RNF111: variants seen among roughly 807,000 people sequenced by gnomAD.
RNF111 encodes ring finger protein 111.
RNF111 carries 17 observed loss-of-function variants against 95.1 expected under a neutral mutation model. That is an observed-to-expected ratio of 0.18 (90% CI 0.12 to 0.27). The LOEUF (loss-of-function observed/expected upper bound fraction) is 0.27, where lower values mean the gene tolerates loss of function less well. Ranked by LOEUF, RNF111 falls within the 10% of genes least tolerant of loss-of-function variation. RNF111 has a pLI of 1.00. For missense variants in RNF111, 1,189 were observed against 1,210.4 expected, an observed-to-expected ratio of 0.98 and a Z score of 0.26; for synonymous variants, 440 against 414.8, an observed-to-expected ratio of 1.06 and a Z score of -0.74.
intron 1 of RNF111, among the ~76,000 whole-genome samples, chr15:59,020,956 G>A (rs1463858779): frequency 6.6e-6 from 1 of 152,054 alleles, no homozygotes; most frequent in Non-Finnish European, 1.5e-5. Flanking sequence ...GGAACAGGTG[G>A]TGTTTGGTTA....
At chr15:59,037,691 C>T (rs2041247182) in intron 2 of RNF111, among the ~76,000 whole-genome samples, 1 of 152,084 alleles carries the variant, frequency 6.6e-6, no homozygotes, top group Admixed American at 6.6e-5. Flanking sequence ...ACAAAATTAG[C>T]CGAGCGTGGT....
intron 2 of RNF111, among the ~76,000 whole-genome samples, chr15:59,047,378 G>A (rs946350132): frequency 1.2e-4 from 18 of 151,918 alleles, no homozygotes; most frequent in East Asian, 1.9e-4. Flanking sequence ...ACCTGTAGTC[G>A]CAGCTACTGG....
intron 2 of RNF111, among the ~76,000 whole-genome samples, chr15:59,032,219 A>G (rs79782996): frequency 6.6e-6 from 1 of 152,196 alleles, no homozygotes; most frequent in African/African-American, 2.4e-5. Context: ...GATTACAGGC[A>G]TGAGCCACTG....
At chr15:59,012,323 G>C (rs1320326779) in intron 1 of RNF111, among the ~76,000 whole-genome samples, 2 of 152,028 alleles carry the variant, frequency 1.3e-5, no homozygotes, top group African/African-American at 2.4e-5. Context: ...CTGGCCTGCT[G>C]TTCTGTCTTA....
chr15:58,992,637 A>G (rs1029240229), intron 1 of RNF111, among the ~76,000 whole-genome samples: 1 of 151,544 alleles, frequency 6.6e-6, no homozygotes, highest in Non-Finnish European at 1.5e-5. Context: ...GGGCAATGTG[A>G]CGAAATTCTG....
At chr15:59,076,986 T>TA (rs2078583131) in intron 7 of RNF111, among the ~76,000 whole-genome samples, 1 of 152,220 alleles carries the variant, frequency 6.6e-6, no homozygotes, top group South Asian at 2.1e-4. Flanking sequence ...TCCAGTCATT[T>TA]AAAAAAATCT....
chr15:59,040,897 A>G (rs1472561155), intron 2 of RNF111, among the ~76,000 whole-genome samples: 1 of 152,206 alleles, frequency 6.6e-6, no homozygotes, highest in East Asian at 1.9e-4. Context: ...CGCTTTTTAA[A>G]TTATGTAAAA....
intron 1 of RNF111, among the ~76,000 whole-genome samples, chr15:58,993,533 A>G (rs2038913779): frequency 1.3e-5 from 2 of 152,218 alleles, no homozygotes; most frequent in South Asian, 4.1e-4. Context: ...GTGAGACTCC[A>G]TCTCAAAATT....
chr15:59,070,451 A>C (rs1265606407), intron 6 of RNF111, among the ~76,000 whole-genome samples: 2 of 152,166 alleles, frequency 1.3e-5, no homozygotes, highest in Non-Finnish European at 2.9e-5. Flanking sequence ...TAAGATGTTG[A>C]TATTCTAGTC....
chr15:59,064,091 A>T (rs2042552092), intron 5 of RNF111, among the ~76,000 whole-genome samples: 2 of 152,222 alleles, frequency 1.3e-5, no homozygotes, highest in Non-Finnish European at 2.9e-5. Flanking sequence ...TGTTGGGTTC[A>T]GCATAGCCCT....
At chr15:58,992,186 A>T (rs1162539873) in intron 1 of RNF111, among the ~76,000 whole-genome samples, 4 of 152,182 alleles carry the variant, frequency 2.6e-5, no homozygotes, top group South Asian at 4.1e-4. Context: ...CTGGGATTAC[A>T]GGAGCGCGCC....
chr15:59,024,492 A>C (rs1324638481), intron 1 of RNF111, among the ~76,000 whole-genome samples: 1 of 152,166 alleles, frequency 6.6e-6, no homozygotes, highest in Non-Finnish European at 1.5e-5. Flanking sequence ...ACAGAATATG[A>C]GTTTGAGTGA....
intron 5 of RNF111, among the ~76,000 whole-genome samples, chr15:59,065,694 G>A (rs12438962): frequency 0.26 from 39,410 of 151,998 alleles, 5,266 homozygotes; most frequent in Middle Eastern, 0.42. Context: ...GGTTCTGACT[G>A]TAGAGTCCAA....
At chr15:59,070,270 G>C (rs2042861133) in intron 6 of RNF111, among the ~76,000 whole-genome samples, 1 of 151,738 alleles carries the variant, frequency 6.6e-6, no homozygotes, top group Non-Finnish European at 1.5e-5. Context: ...TGTCCTTCGG[G>C]AATAAGAATT....
At chr15:59,085,813 A>T in intron 10 of RNF111, 28 bp downstream of exon 10, 1 of 1,601,444 alleles carries the variant, frequency 6.2e-7, no homozygotes, top group Non-Finnish European at 8.5e-7. Context: ...CAAAATTTTG[A>T]CATGTTCTAA....
At chr15:59,012,756 T>G (rs1351664930) in intron 1 of RNF111, among the ~76,000 whole-genome samples, 19 of 151,626 alleles carry the variant, frequency 1.3e-4, no homozygotes, top group Non-Finnish European at 1.5e-5. Flanking sequence ...TTTTTTTTTT[T>G]GAGACAGAGT....
intron 3 of RNF111, among the ~76,000 whole-genome samples, chr15:59,053,281 A>G (rs186655528): frequency 1.3e-5 from 2 of 152,206 alleles, no homozygotes; most frequent in South Asian, 2.1e-4. Context: ...CAAAATATCA[A>G]CTCCTAACAT....
chr15:59,046,953 G>C (rs1409052067), intron 2 of RNF111, among the ~76,000 whole-genome samples: 1 of 151,812 alleles, frequency 6.6e-6, no homozygotes, highest in African/African-American at 2.4e-5. Flanking sequence ...CTGCAGACTC[G>C]GCCCCCTGGT....
intron 6 of RNF111, 38 bp from the exon 7 acceptor site, chr15:59,075,916 A>G (rs777773367): frequency 1.9e-6 from 3 of 1,598,780 alleles, no homozygotes; most frequent in South Asian, 2.2e-5. Context: ...TATTTGACCA[A>G]ACTTTAGAAA....
Sources: allele counts gnomAD v4.1 joint callset (sites outside exome capture counted in the v4.1 genomes callset), GRCh38; gene constraint gnomAD v4.1.1; transcripts MANE v1.5; gene names NCBI Gene and HGNC (gene_info 2026-07-23, HGNC 2026-07-21).